The following SF3B1 variants were observed in gnomAD, a reference collection of about 807,000 sequenced individuals.
SF3B1 encodes the protein pre-mRNA processing 10.
A neutral mutation model predicts 153.8 loss-of-function variants in SF3B1; 12 were observed. The ratio of observed to expected loss-of-function variants is 0.08; its 90% CI spans 0.05 to 0.13. The LOEUF (loss-of-function observed/expected upper bound fraction) is 0.13. SF3B1 is among the 10% of genes least tolerant of loss of function. The probability of loss-of-function intolerance (pLI) is 1.00; values close to 1 mark genes in which losing one functional copy is unlikely to be tolerated. For synonymous variants in SF3B1, 498 were observed against 525.2 expected, an observed-to-expected ratio of 0.95 and a Z score of 0.71; for missense variants, 513 against 1,606.1, an observed-to-expected ratio of 0.32 and a Z score of 11.63.
At chr2:197,421,992 C>T (rs148497084) in intron 2 of SF3B1, among the ~76,000 whole-genome samples, 77 of 151,978 alleles carry the variant, frequency 5.1e-4, no homozygotes, top group African/African-American at 1.7e-3. Context: ...AAAAACAAAA[C>T]CACATACATA....
At chr2:197,404,150 A>G (rs761769712) in intron 11 of SF3B1, among the ~76,000 whole-genome samples, 11 of 152,238 alleles carry the variant, frequency 7.2e-5, no homozygotes, top group Non-Finnish European at 1.2e-4. Context: ...CTCATTTTTC[A>G]GCATTTTTAT....
At chr2:197,410,082 T>A in intron 6 of SF3B1, 75 bp from the exon 7 acceptor site, 1 of 1,055,118 alleles carries the variant, frequency 9.5e-7, no homozygotes, top group East Asian at 2.4e-5. Flanking sequence ...AATAAAAAAC[T>A]TTAAACGAAA....
At chr2:197,410,050 A>T in intron 6 of SF3B1, 43 bp from the exon 7 acceptor site, 1 of 1,282,950 alleles carries the variant, frequency 7.8e-7, no homozygotes, top group Non-Finnish European at 1.1e-6. Context: ...CCCACACAGA[A>T]ATAATTAGAA....
At chr2:197,412,592 G>C (rs2085085980) in intron 6 of SF3B1, among the ~76,000 whole-genome samples, 1 of 151,836 alleles carries the variant, frequency 6.6e-6, no homozygotes, top group South Asian at 2.1e-4. Flanking sequence ...CTCGACCTCA[G>C]GTGATCTGCC....
At position 197,414,359 on chromosome 2, in the gene SF3B1, T is replaced by C. The variant is rs375284870; in HGVS notation, c.666+2382A>G. Among the ~76,000 whole-genome samples, 22 of 152,198 alleles carry C rather than the reference T, an allele frequency of 1.4e-4. 1 individual carries two copies. In the East Asian group the frequency reaches 2.9e-3, roughly 20 times the overall value. ...AAAGACAAGAATGAGATCCTAGGGA[T>C]TGAGCACAGATGGAAAAGAATCCAA... On this transcript the variant is annotated intron_variant, in intron 6 of 24. Transcript: ENST00000335508.
At chr2:197,412,287 G>A (rs1204631734) in intron 6 of SF3B1, among the ~76,000 whole-genome samples, 1 of 151,518 alleles carries the variant, frequency 6.6e-6, no homozygotes, top group African/African-American at 2.4e-5. Flanking sequence ...TTATGACTAG[G>A]GTACAGTTGT....
intron 4 of SF3B1, 50 bp downstream of exon 4, chr2:197,420,378 T>C: frequency 7.1e-7 from 1 of 1,409,350 alleles, no homozygotes; most frequent in African/African-American, 1.4e-5. Context: ...TAAAGACAAC[T>C]TAATACAAAT....
intron 5 of SF3B1, among the ~76,000 whole-genome samples, chr2:197,418,234 C>CAAA (rs59644092): frequency 0.017 from 612 of 36,348 alleles, 95 homozygotes; most frequent in Non-Finnish European, 0.022. Flanking sequence ...AGACTGTGTC[C>CAAA]AAAAAAAAAA....
rs1028396750 is a variant in SF3B1, at chr2:197,425,334, C to T, written c.29-1360G>A. 2.1e-4 allele frequency among the ~76,000 whole-genome samples: 32 copies of T among 152,082 alleles called. 2 individuals carry two copies. Among genetic ancestry groups the T allele is most frequent in the African/African-American group, 7.2e-4 (30 of 41,422 alleles). ...TACAAAAATTAGCCGGGCATGGTGG[C>T]AGGCGCCTGTAATCCCAGCTACTCG... On this transcript the variant is annotated intron_variant, in intron 1 of 24. Transcript: ENST00000335508.
intron 22 of SF3B1, 33 bp from the exon 23 acceptor site, chr2:197,396,361 C>T (rs372282952): frequency 3.2e-6 from 5 of 1,543,978 alleles, no homozygotes; most frequent in Non-Finnish European, 4.4e-6. Context: ...CAAGCTGTTA[C>T]ATTATAAGTC....
chr2:197,396,331 G>A lies in SF3B1; in HGVS notation c.3267-3C>T. On this transcript the variant is annotated splice_polypyrimidine_tract_variant and splice_region_variant and intron_variant, in intron 22 of 24. Transcript: ENST00000335508. ...GTGTAGCCAATACATCATGAGGGCT[G>A]AAAAAAACAAATGGGTCAACAAGCT... 3 of 1,594,650 alleles carry A rather than the reference G, an allele frequency of 1.9e-6. No homozygotes were observed. Among genetic ancestry groups the A allele is most frequent in the Non-Finnish European group, 2.6e-6 (3 of 1,169,054 alleles).
At chr2:197,421,265 C>G (rs946083703) in intron 2 of SF3B1, 132 bp from the exon 3 acceptor site, 2 of 560,812 alleles carry the variant, frequency 3.6e-6, no homozygotes, top group African/African-American at 3.9e-5. Flanking sequence ...CTTCATAAAA[C>G]TTAGAAACAC....
At chr2:197,407,664 T>C (rs2085012622) in intron 9 of SF3B1, among the ~76,000 whole-genome samples, 1 of 148,982 alleles carries the variant, frequency 6.7e-6, no homozygotes, top group Non-Finnish European at 1.5e-5. Context: ...AACTTAAGTA[T>C]ATAAAATCTT....
chr2:197,398,200 T>A, intron 21 of SF3B1, 84 bp from the exon 22 acceptor site: 1 of 1,119,114 alleles, frequency 8.9e-7, no homozygotes, highest in Non-Finnish European at 1.3e-6. Context: ...TCTAAAAACA[T>A]GATTAACTCA....
chr2:197,418,091 C>G (rs949727042), intron 5 of SF3B1, among the ~76,000 whole-genome samples: 6 of 151,604 alleles, frequency 4.0e-5, no homozygotes, highest in African/African-American at 9.7e-5. Flanking sequence ...CAAAAATTAG[C>G]TAGGCATGGT....
intron 20 of SF3B1, 63 bp from the exon 21 acceptor site, chr2:197,398,644 T>TAAA: frequency 6.9e-7 from 1 of 1,459,446 alleles, no homozygotes; most frequent in Non-Finnish European, 9.5e-7. Context: ...ACTTTCCTTT[T>TAAA]ACTTAGCAAT....
Position 197,400,944 on chromosome 2 carries a change from G to T in SF3B1, c.2497-8C>A. 6.3e-7 allele frequency: 1 copy of T among 1,583,776 alleles called. No individual in the cohort carries two copies. Among genetic ancestry groups the T allele is most frequent in the Non-Finnish European group, 8.6e-7 (1 of 1,161,754 alleles). On this transcript the variant is annotated splice_region_variant and splice_polypyrimidine_tract_variant and intron_variant, in intron 17 of 24. Transcript: ENST00000335508. The surrounding 1 kb of genome is among the most constrained non-coding windows in gnomAD (Gnocchi z 5.0). ...CACAGTAGTATCAACTAACTAAAAA[G>T]AACAGAAAAACAAAAAACCTTTTAG...
chr2:197,413,505 C>T (rs1034930781), intron 6 of SF3B1, among the ~76,000 whole-genome samples: 23 of 152,184 alleles, frequency 1.5e-4, no homozygotes, highest in African/African-American at 5.6e-4. Flanking sequence ...AAGTCCTCAC[C>T]TTAAACTAAA....
At chr2:197,420,201 G>T in intron 4 of SF3B1, 1 of 447,726 alleles carries the variant, frequency 2.2e-6, no homozygotes. Flanking sequence ...CGTTTCTATG[G>T]CATTGGCTCA....
Sources: allele counts gnomAD v4.1 joint callset (sites outside exome capture counted in the v4.1 genomes callset), GRCh38; gene constraint gnomAD v4.1.1; non-coding constraint Gnocchi (gnomAD v3.1); transcripts MANE v1.5; gene names NCBI Gene and HGNC (gene_info 2026-07-23, HGNC 2026-07-21).